Variants in OXSR1 observed in about 807,000 individuals in gnomAD.
OXSR1 encodes serine/threonine-protein kinase OSR1.
In OXSR1, 24 loss-of-function variants were observed where a neutral mutation model predicts 79.8. The ratio of observed to expected loss-of-function variants is 0.30; its 90% confidence interval spans 0.22 to 0.42. The LOEUF is 0.42. Ranked by LOEUF, OXSR1 falls within the 10% of genes least tolerant of loss-of-function variation. The pLI is 1.00. For synonymous variants in OXSR1, 226 were observed against 209.2 expected (o/e 1.08, Z -0.69); for missense variants, 430 against 618.4 (o/e 0.70, Z 3.23).
At chr3:38,195,432 G>T (rs1369826449) in intron 3 of OXSR1, among the ~76,000 whole-genome samples, 1 of 152,136 alleles carries the variant, frequency 6.6e-6, no homozygotes, top group Non-Finnish European at 1.5e-5. Context: ...CAACAATGCA[G>T]GGTTTTAAAA....
At chr3:38,213,605 A>G (rs1255535584) in intron 4 of OXSR1, among the ~76,000 whole-genome samples, 1 of 152,214 alleles carries the variant, frequency 6.6e-6, no homozygotes, top group Non-Finnish European at 1.5e-5. Context: ...TATTGTAGCA[A>G]AAGTACTGAA....
intron 4 of OXSR1, among the ~76,000 whole-genome samples, chr3:38,212,693 G>T (rs1279931051): frequency 6.6e-6 from 1 of 152,174 alleles, no homozygotes; most frequent in South Asian, 2.1e-4. Context: ...TAGAAGGAGT[G>T]TGTAACTTTG....
At chr3:38,215,198 A>G (rs747948100) in intron 4 of OXSR1, among the ~76,000 whole-genome samples, 35 of 152,192 alleles carry the variant, frequency 2.3e-4, no homozygotes, top group Non-Finnish European at 4.4e-4. Flanking sequence ...TTAATAATGT[A>G]TGTTAGCATT....
At chr3:38,229,603 T>A in intron 8 of OXSR1, 84 bp from the exon 9 acceptor site, 4 of 1,202,996 alleles carry the variant, frequency 3.3e-6, no homozygotes, top group East Asian at 2.4e-5. Context: ...TTGAAAAAAA[T>A]TTTTTCTCAT....
At chr3:38,229,039 T>C (rs1702752127) in intron 8 of OXSR1, among the ~76,000 whole-genome samples, 1 of 152,224 alleles carries the variant, frequency 6.6e-6, no homozygotes, top group African/African-American at 2.4e-5. Context: ...AAATTCTTTA[T>C]TCTGAATGAT....
At chr3:38,220,955 T>G (rs1702576850) in intron 5 of OXSR1, among the ~76,000 whole-genome samples, 1 of 152,190 alleles carries the variant, frequency 6.6e-6, no homozygotes, top group South Asian at 2.1e-4. Flanking sequence ...GAGAAAATCC[T>G]GAGGCTTAGA....
At chr3:38,184,449 A>G (rs1340188757) in intron 2 of OXSR1, among the ~76,000 whole-genome samples, 3 of 152,192 alleles carry the variant, frequency 2.0e-5, no homozygotes, top group Non-Finnish European at 4.4e-5. Flanking sequence ...CTTGAACTGC[A>G]GTGATGATAA....
intron 1 of OXSR1, among the ~76,000 whole-genome samples, chr3:38,171,462 CCAT>C (rs1453236633): frequency 6.6e-6 from 1 of 152,140 alleles, no homozygotes; most frequent in Non-Finnish European, 1.5e-5. Context: ...GGTGTCATCT[CCAT>C]CAAAACACGT....
At chr3:38,243,082 G>C (rs1703068938) in intron 12 of OXSR1, among the ~76,000 whole-genome samples, 2 of 151,812 alleles carry the variant, frequency 1.3e-5, no homozygotes, top group South Asian at 4.2e-4. Context: ...ACCCATGCTG[G>C]AGTGCAGTGG....
At chr3:38,208,823 A>T (rs1340043413) in intron 4 of OXSR1, among the ~76,000 whole-genome samples, 1 of 152,196 alleles carries the variant, frequency 6.6e-6, no homozygotes, top group Non-Finnish European at 1.5e-5. Flanking sequence ...AATGGCCTGA[A>T]CGTGGGAGGC....
chr3:38,171,783 T>G (rs1221633199), intron 1 of OXSR1, among the ~76,000 whole-genome samples: 1 of 152,230 alleles, frequency 6.6e-6, no homozygotes, highest in Non-Finnish European at 1.5e-5. Context: ...TAATCATTGA[T>G]CTTTCAGTAT....
At chr3:38,180,431 TG>T (rs758962666) in intron 1 of OXSR1, among the ~76,000 whole-genome samples, 22 of 152,020 alleles carry the variant, frequency 1.4e-4, no homozygotes, top group Non-Finnish European at 2.5e-4. Context: ...CAGACTTTTG[TG>T]CCTGGCATCC....
Position 38,251,459 on chromosome 3 carries a change from G to C in OXSR1, c.1432G>C (p.Asp478His). 6.2e-7 allele frequency: 1 copy of C among 1,612,812 alleles called. No homozygotes were observed. The highest frequency in any genetic ancestry group is 8.5e-7 in the Non-Finnish European group (1 of 1,178,864). Residue 478 changes from aspartate to histidine, a missense_variant, in exon 16 of 18, where the codon GAT becomes CAT. This residue lies in a region of OXSR1 where 276 missense variants were observed against 354.2 expected (regional missense o/e 0.78). Transcript: ENST00000311806. The part of the protein sequence containing the change: ...LISAGLVDGR[D>H]LVIVAANLQK... ...TTCTGCTGGCCTGGTCGACGGAAGG[G>C]ATTTAGTAATAGGTAACTCCATTGC...
At chr3:38,190,480 C>G (rs1701963153) in intron 2 of OXSR1, among the ~76,000 whole-genome samples, 1 of 152,084 alleles carries the variant, frequency 6.6e-6, no homozygotes, top group African/African-American at 2.4e-5. Context: ...GAGTGTTGTG[C>G]CAGGGTGTGT....
intron 12 of OXSR1, among the ~76,000 whole-genome samples, chr3:38,243,069 G>GT (rs1468378607): frequency 2.6e-5 from 4 of 151,558 alleles, no homozygotes; most frequent in Non-Finnish European, 5.9e-5. Context: ...GTCTTACTCT[G>GT]TCACCCATGC....
chr3:38,227,873 C>T (rs980097115), intron 8 of OXSR1, among the ~76,000 whole-genome samples: 2 of 152,112 alleles, frequency 1.3e-5, no homozygotes, highest in African/African-American at 2.4e-5. Flanking sequence ...AGCTACTTCC[C>T]CAATAACACA....
chr3:38,212,872 T>A (rs1000104424), intron 4 of OXSR1, among the ~76,000 whole-genome samples: 1 of 152,206 alleles, frequency 6.6e-6, no homozygotes, highest in African/African-American at 2.4e-5. Context: ...TTTCCAGATA[T>A]TTAGTTACAA....
At chr3:38,225,982 C>G (rs1168868909) in intron 8 of OXSR1, among the ~76,000 whole-genome samples, 1 of 152,108 alleles carries the variant, frequency 6.6e-6, no homozygotes, top group African/African-American at 2.4e-5. Flanking sequence ...ACAACAAAAA[C>G]CTCTCCTGAA....
At position 38,165,857 on chromosome 3, in the gene OXSR1, C is replaced by T. The variant is rs573227832; in HGVS notation, c.-20C>T. 3.3e-5 allele frequency: 53 copies of T among 1,603,096 alleles called. No homozygotes were observed. The African/African-American group carries it at 5.9e-4, about 18-fold the overall frequency. ...GAGGTCAGCGAGTTTGAGGGAGGAC[C>T]GCGAGCCGCTGCCGCCGTCATGTCC... On this transcript the variant is annotated 5_prime_UTR_variant, in exon 1 of 18. Transcript: ENST00000311806.
Sources: gnomAD v4.1 joint callset for allele counts (sites outside exome capture counted in the v4.1 genomes callset) on GRCh38, gnomAD v4.1.1 for gene constraint, gnomAD v4.1.1 regional missense constraint, MANE v1.5 for transcripts, NCBI Gene and HGNC (gene_info 2026-07-23, HGNC 2026-07-21) for gene names.